The following DOCK11 variants were observed in gnomAD, a reference collection of about 807,000 sequenced individuals.
The protein encoded by DOCK11 is dedicator of cytokinesis 11, also known as dedicator of cytokinesis protein 11.
DOCK11 carries 70 observed loss-of-function variants against 169.1 expected under a neutral mutation model. That is an observed-to-expected ratio of 0.41 (90% CI 0.34 to 0.51). The LOEUF (loss-of-function observed/expected upper bound fraction) is 0.51, where lower values mean the gene tolerates loss of function less well. DOCK11 is among the 20% of genes least tolerant of loss of function. DOCK11 has a pLI of 0.10. For missense variants in DOCK11, 1,166 were observed against 1,538.8 expected, an observed-to-expected ratio of 0.76 and a Z score of 4.05; for synonymous variants, 529 against 541.3, an observed-to-expected ratio of 0.98 and a Z score of 0.32.
rs1023337365 is a variant in DOCK11 at position 118,656,407 on chromosome X, T to C, written c.4969+1446T>C. On this transcript the variant is annotated intron_variant, in intron 44 of 52. Coordinates refer to ENST00000276202, the MANE Select transcript of DOCK11 (RefSeq NM_144658.4). ...CTCTGGAATTCTTTTGAATAATCTA[T>C]GTGTTTGATATACTTTAGTTTTCTC... Among the ~76,000 whole-genome samples the C allele has an allele frequency of 4.5e-5, 5 of 112,072 alleles. No homozygotes were observed. In the South Asian group the frequency reaches 1.8e-3, roughly 41 times the overall value.
At chrX:118,574,287 C>T (rs186380407) in intron 12 of DOCK11, among the ~76,000 whole-genome samples, 68 of 111,898 alleles carry the variant, frequency 6.1e-4, no homozygotes, top group African/African-American at 2.1e-3. Flanking sequence ...TGAACCAGGC[C>T]AGGCGTGGTG....
chrX:118,583,246 G>A (rs1485168832), intron 14 of DOCK11, among the ~76,000 whole-genome samples: 1 of 110,761 alleles, frequency 9.0e-6, no homozygotes, highest in African/African-American at 3.3e-5. Flanking sequence ...CATGGACATG[G>A]GGAAGGGAAC....
Position 118,680,012 on chromosome X carries a change from C to T in DOCK11, c.5461-470C>T, listed in dbSNP as rs373695249. ...CGCGATCTCGGCTCACTGCAACCTC[C>T]GCCTCCCAAGCTCAAGTGATTCTCC... On this transcript the variant is annotated intron_variant, in intron 48 of 52. Coordinates refer to ENST00000276202, the MANE Select transcript of DOCK11 (RefSeq NM_144658.4). Among the ~76,000 whole-genome samples, 9 of 101,878 alleles carry T rather than the reference C, an allele frequency of 8.8e-5. No homozygotes were observed. In the East Asian group the frequency reaches 1.8e-3, roughly 21 times the overall value. 88.5% of individuals were successfully genotyped at this position (101,878 alleles called of 115,157 possible).
At chrX:118,546,704 T>C (rs1160189206) in intron 6 of DOCK11, among the ~76,000 whole-genome samples, 2 of 111,759 alleles carry the variant, frequency 1.8e-5, no homozygotes, top group Non-Finnish European at 3.8e-5. Context: ...AAGGATAAAA[T>C]TGGGCTGGGT....
At chrX:118,639,294 C>A in intron 37 of DOCK11, 141 bp from the exon 38 acceptor site, 1 of 545,145 alleles carries the variant, frequency 1.8e-6, no homozygotes, top group Non-Finnish European at 2.8e-6. Flanking sequence ...AAACTTCATC[C>A]AGTTTCTAGT....
intron 44 of DOCK11, among the ~76,000 whole-genome samples, chrX:118,658,734 A>G (rs1300488631): frequency 8.9e-6 from 1 of 112,495 alleles, no homozygotes; most frequent in African/African-American, 3.2e-5. Flanking sequence ...AAAATATAAA[A>G]TAAAAAATGT....
chrX:118,598,522 C>A (rs896641180), intron 22 of DOCK11, among the ~76,000 whole-genome samples: 5 of 111,788 alleles, frequency 4.5e-5, no homozygotes, highest in Non-Finnish European at 9.4e-5. Flanking sequence ...GCCATCATCT[C>A]CATTTTATAG....
At chrX:118,601,281 G>A (rs1164047656) in intron 23 of DOCK11, among the ~76,000 whole-genome samples, 1 of 109,067 alleles carries the variant, frequency 9.2e-6, no homozygotes, top group East Asian at 2.9e-4. Flanking sequence ...AAAATTAGCC[G>A]GGCATAGTGG....
chrX:118,517,619 C>T (rs1034052042), intron 1 of DOCK11, among the ~76,000 whole-genome samples: 2 of 110,367 alleles, frequency 1.8e-5, no homozygotes, highest in Non-Finnish European at 3.8e-5. Context: ...CTATAATTAG[C>T]TATTATTATT....
intron 1 of DOCK11, among the ~76,000 whole-genome samples, chrX:118,516,082 CTTTTCT>C (rs2057684198): frequency 1.5e-5 from 1 of 67,369 alleles, no homozygotes; most frequent in African/African-American, 6.4e-5. Context: ...TTTTTCTTTT[CTTTTCT>C]TTTTCTTTTT....
At chrX:118,623,710 A>G (rs138028102) in intron 31 of DOCK11, among the ~76,000 whole-genome samples, 6,176 of 112,950 alleles carry the variant, frequency 0.055, 172 homozygotes, top group Non-Finnish European at 0.082. Flanking sequence ...GCAAACTAAA[A>G]CAATAGTAAG....
intron 10 of DOCK11, among the ~76,000 whole-genome samples, chrX:118,571,160 C>G (rs998494408): frequency 8.2e-5 from 9 of 109,965 alleles, no homozygotes; most frequent in Non-Finnish European, 1.1e-4. Flanking sequence ...CTCCCACGTC[C>G]AGATCTCTAA....
intron 44 of DOCK11, among the ~76,000 whole-genome samples, chrX:118,657,040 A>G (rs2016090735): frequency 8.9e-6 from 1 of 112,019 alleles, no homozygotes; most frequent in East Asian, 2.8e-4. Context: ...TATTTCCTGG[A>G]ATGTTTTTGT....
chrX:118,574,074 CT>C lies in DOCK11; in HGVS notation c.1389+58del. ...ATTCAGAATAAGAAACAGAAATATT[CT>C]TGTATTATTTCATGGTTTCAGGCCA... On this transcript the variant is annotated intron_variant, in intron 12 of 52. Coordinates refer to ENST00000276202, the MANE Select transcript of DOCK11 (RefSeq NM_144658.4). 5 of 1,080,685 alleles carry C rather than the reference CT, an allele frequency of 4.6e-6. 1 individual carries two copies. In the Admixed American group the frequency reaches 1.2e-4, roughly 25 times the overall value. The allele number at this position is 1,080,685 out of a possible 1,213,427, so 89.1% of individuals were successfully genotyped here.
Position 118,676,635 on chromosome X carries a change from A to T in DOCK11, c.5358A>T (p.Glu1786Asp), listed in dbSNP as rs780410676. Residue 1786 changes from glutamate (E) to aspartate (D), a missense_variant, in exon 48 of 53, where the codon GAA becomes GAT. Coordinates refer to ENST00000276202, the MANE Select transcript of DOCK11 (RefSeq NM_144658.4). ...ATGGAAAGGAGTACATCTATAAAGA[A>T]CCAAAGCTCACTGGCCTCTCAGAAA... is the stretch of plus-strand genomic sequence containing the variant. ...EEDGKEYIYK[E>D]PKLTGLSEIS... 1.1e-5 allele frequency: 13 copies of T among 1,202,294 alleles called. No individual in the cohort carries two copies. Among genetic ancestry groups the T allele is most frequent in the Non-Finnish European group, 1.5e-5 (13 of 888,618 alleles).
At position 118,562,382 on chromosome X, in the gene DOCK11, A is replaced by G. The variant is rs146694739; in HGVS notation, c.693+865A>G. Among the ~76,000 whole-genome samples the G allele has an allele frequency of 1.1e-3, 125 of 110,978 alleles. 1 individual carries two copies. Among genetic ancestry groups the G allele is most frequent in the African/African-American group, 3.6e-3 (109 of 30,558 alleles). On this transcript the variant is annotated intron_variant, in intron 7 of 52. Transcript: ENST00000276202. Reference sequence around the variant, plus strand: ...CTCCTACTTTCATTGCCCTTTCTCCAGTTCTCCCTTTTATCATCGCTGGCC... The same window carrying G: ...CTCCTACTTTCATTGCCCTTTCTCCGGTTCTCCCTTTTATCATCGCTGGCC...
At chrX:118,621,692 G>T (rs1748845556) in intron 31 of DOCK11, among the ~76,000 whole-genome samples, 1 of 110,742 alleles carries the variant, frequency 9.0e-6, no homozygotes, top group African/African-American at 3.3e-5. Flanking sequence ...GGAGTACAGT[G>T]GCACAATCTC....
rs146972153 is a variant in DOCK11 at position 118,660,933 on chromosome X, C to T, written c.4970-1753C>T. Among the ~76,000 whole-genome samples the T allele has an allele frequency of 5.7e-3, 626 of 110,593 alleles. 2 individuals are homozygous for T. Among genetic ancestry groups the T allele is most frequent in the African/African-American group, 0.019 (590 of 30,487 alleles). ...CTTGAAAAAGTATTTCAAAGCCAGG[C>T]GTAGTGGCTCACGCCTATAATCTCA... On this transcript the variant is annotated intron_variant, in intron 44 of 52. Coordinates refer to ENST00000276202, the MANE Select transcript of DOCK11 (RefSeq NM_144658.4).
chrX:118,496,084 G>T lies in DOCK11; in HGVS notation c.102+11G>T. 1.0e-6 allele frequency: 1 copy of T among 1,001,872 alleles called. No homozygotes were observed. Among genetic ancestry groups the T allele is most frequent in the East Asian group, 4.2e-5 (1 of 23,576 alleles). 82.6% of individuals were successfully genotyped at this position (1,001,872 alleles called of 1,213,427 possible). On this transcript the variant is annotated intron_variant, in intron 1 of 52. Transcript: ENST00000276202. ...GGCTCCGTGGTGCTGGTGAGTGGCC[G>T]GGGGACGGGGCATCCCGGGGGACGC...
Sources: gnomAD v4.1 joint callset for allele counts (sites outside exome capture counted in the v4.1 genomes callset) on GRCh38, gnomAD v4.1.1 for gene constraint, MANE v1.5 for transcripts, NCBI Gene and HGNC (gene_info 2026-07-23, HGNC 2026-07-21) for gene names.